The following PNPO variants were observed in gnomAD, a reference collection of about 807,000 sequenced individuals.
PNPO encodes pyridoxine-5'-phosphate oxidase.
Under a neutral mutation model 35.0 loss-of-function variants are expected in PNPO, and 39 were observed. The observed-to-expected ratio is 1.11, with a 90% CI of 0.86 to 1.45. The LOEUF is 1.45. Ranked by LOEUF, PNPO falls within the 40% of genes most tolerant of loss-of-function variation. The pLI is 0.00. For synonymous variants in PNPO, 115 were observed against 119.8 expected (o/e 0.96, Z 0.26); for missense variants, 288 against 340.0 (o/e 0.85, Z 1.20).
chr17:47,949,208 C>A lies in PNPO; in HGVS notation c.*2426C>A, dbSNP rs894818576. 82 of 152,436 alleles carry A rather than the reference C, an allele frequency of 5.4e-4. No individual in the cohort carries two copies. Among genetic ancestry groups the A allele is most frequent in the African/African-American group, 1.9e-3 (81 of 41,542 alleles). The allele number at this position is 152,436 out of a possible 1,614,324, so 9.4% of individuals were successfully genotyped here. ...CCTTGTGTTATTGGAGGTTGTGTAA[C>A]CCCCTAGCTTTGAGCCTGGTCTCAG... On this transcript the variant is annotated 3_prime_UTR_variant, in exon 7 of 7. Transcript: ENST00000642017.
At chr17:47,943,241 AAC>A in intron 1 of PNPO, 63 bp from the exon 2 acceptor site, 1 of 1,346,786 alleles carries the variant, frequency 7.4e-7, no homozygotes, top group South Asian at 1.2e-5. Flanking sequence ...AAGTGACTAG[AAC>A]AGTGCCAGGT....
At position 47,944,599 on chromosome 17, in the gene PNPO, C is replaced by G; in HGVS notation, c.264-17C>G. The G allele has an allele frequency of 6.2e-7, 1 of 1,600,128 alleles. No homozygotes were observed. The highest frequency in any genetic ancestry group is 8.6e-7 in the Non-Finnish European group (1 of 1,167,576). On this transcript the variant is annotated splice_polypyrimidine_tract_variant and intron_variant, in intron 2 of 6. Transcript: ENST00000642017. Reference sequence around the variant, plus strand: ...TGAAGCAGACTCTGACCACAGTGCTCTGCTCTTTGCTCCTAGAGATGGAAA... The same window carrying G: ...TGAAGCAGACTCTGACCACAGTGCTGTGCTCTTTGCTCCTAGAGATGGAAA...
chr17:47,942,819 G>A (rs2035958527), intron 1 of PNPO, among the ~76,000 whole-genome samples: 1 of 152,166 alleles, frequency 6.6e-6, no homozygotes, highest in Non-Finnish European at 1.5e-5. Flanking sequence ...CCAGCTACTT[G>A]GGAGGATGAG....
At chr17:47,943,724 G>A (rs911595420) in intron 2 of PNPO, among the ~76,000 whole-genome samples, 1 of 152,226 alleles carries the variant, frequency 6.6e-6, no homozygotes, top group African/African-American at 2.4e-5. Context: ...AGCCCCGTCT[G>A]CCATTCAGGA....
chr17:47,946,859 C>A lies in PNPO; in HGVS notation c.*77C>A. The A allele has an allele frequency of 7.3e-7, 1 of 1,376,390 alleles. No individual in the cohort carries two copies. Among genetic ancestry groups the A allele is most frequent in the Non-Finnish European group, 1.0e-6 (1 of 973,048 alleles). The allele number at this position is 1,376,390 out of a possible 1,614,324, so 85.3% of individuals were successfully genotyped here. ...GTGTGGGATTGGGACCCAGGCCCTT[C>A]TTTCTAAACTCAACCCATTTCCCTC... is the stretch of plus-strand genomic sequence containing the variant. On this transcript the variant is annotated 3_prime_UTR_variant, in exon 7 of 7. Transcript: ENST00000642017.
rs138727329 is a variant in PNPO, at chr17:47,945,987, G to A, written c.544G>A (p.Glu182Lys). ...SHQSSVIPDR[E>K]YLRKKNEELE... ...CCAGAGTTCTGTGATCCCTGATCGG[G>A]AGGTGAGTGGAGCTCCGCTGTAGTC... Residue 182 changes from glutamate to lysine, a missense_variant and splice_region_variant, in exon 5 of 7, where the codon GAG (glutamate) becomes AAG (lysine). By Grantham distance (56) the Glu-to-Lys change is moderately conservative. Transcript: ENST00000642017. This position sits in a 1 kb window ranked among gnomAD's most constrained non-coding sequence, Gnocchi z 4.0. 44 of 1,613,798 alleles carry A rather than the reference G, an allele frequency of 2.7e-5. No individual in the cohort carries two copies. The East Asian group carries it at 4.0e-4, about 15-fold the overall frequency.
chr17:47,942,925 A>AAAAT (rs747079467), intron 1 of PNPO, among the ~76,000 whole-genome samples: 23 of 152,136 alleles, frequency 1.5e-4, no homozygotes, highest in Non-Finnish European at 2.5e-4. Context: ...GACCCTGTCT[A>AAAAT]AAATAAATAA....
chr17:47,941,847 CG>C (rs1356643091), intron 1 of PNPO, 34 bp downstream of exon 1: 3 of 1,538,240 alleles, frequency 2.0e-6, no homozygotes, highest in Non-Finnish European at 8.8e-7. Flanking sequence ...CCTGCAGGGG[CG>C]GGGGAAAAGG....
chr17:47,946,085 A>G, intron 5 of PNPO, 96 bp downstream of exon 5: 4 of 1,470,760 alleles, frequency 2.7e-6, no homozygotes, highest in South Asian at 2.3e-5. Flanking sequence ...TCCCCAGGAG[A>G]TGTCCTCTCT....
At position 47,945,650 on chromosome 17, in the gene PNPO, G is replaced by T. The variant is rs780596817; in HGVS notation, c.417+38G>T. Reference sequence around the variant, plus strand: ...TCCCAGGACAGCCTGGGATGGGCTGGGTTGGCAGGGCCTGAGTTTATGGCT... The same window carrying T: ...TCCCAGGACAGCCTGGGATGGGCTGTGTTGGCAGGGCCTGAGTTTATGGCT... On this transcript the variant is annotated intron_variant, in intron 4 of 6. Transcript: ENST00000642017. This position sits in a 1 kb window ranked among gnomAD's most constrained non-coding sequence, Gnocchi z 4.0. The T allele has an allele frequency of 1.3e-6, 2 of 1,564,534 alleles. No individual in the cohort carries two copies. The highest frequency in any genetic ancestry group is 3.3e-5 in the Admixed American group (2 of 59,946).
chr17:47,943,534 T>A, intron 2 of PNPO, 104 bp downstream of exon 2: 2 of 1,394,704 alleles, frequency 1.4e-6, no homozygotes, highest in East Asian at 2.3e-5. Context: ...GCTCTGTTAT[T>A]AACATGCTCT....
chr17:47,944,247 A>C (rs1008038231), intron 2 of PNPO, among the ~76,000 whole-genome samples: 2 of 133,350 alleles, frequency 1.5e-5, no homozygotes, highest in African/African-American at 6.0e-5. Flanking sequence ...TGTGGAGGGC[A>C]AGGGAGGTGG....
intron 2 of PNPO, among the ~76,000 whole-genome samples, chr17:47,943,709 A>T (rs1349105121): frequency 2.6e-5 from 4 of 152,000 alleles, no homozygotes. Flanking sequence ...CTCCCCATCT[A>T]CCCAAGCCCC....
chr17:47,946,077 C>CTGGGGACATCT, intron 5 of PNPO, 88 bp downstream of exon 5: 1 of 1,500,236 alleles, frequency 6.7e-7, no homozygotes, highest in Non-Finnish European at 9.2e-7. Flanking sequence ...AGGAGATGTC[C>CTGGGGACATCT]CCAGGAGATG....
At chr17:47,944,775 C>T in intron 3 of PNPO, 60 bp downstream of exon 3, 1 of 1,345,948 alleles carries the variant, frequency 7.4e-7, no homozygotes, top group East Asian at 2.3e-5. Flanking sequence ...CTTGCTTCCT[C>T]AGTCACCTTC....
Position 47,945,173 on chromosome 17 carries a change from G to A in PNPO, c.364-386G>A, listed in dbSNP as rs1013115182. 14 of 379,994 alleles carry A rather than the reference G, an allele frequency of 3.7e-5. No individual in the cohort carries two copies. In the East Asian group the frequency reaches 4.6e-4, roughly 12 times the overall value. The allele number at this position is 379,994 out of a possible 1,614,324, so 23.5% of individuals were successfully genotyped here. On this transcript the variant is annotated intron_variant, in intron 3 of 6. Transcript: ENST00000642017. This position sits in a 1 kb window ranked among gnomAD's most constrained non-coding sequence, Gnocchi z 4.0. ...TTTATCTCTGCTGTATCCCCCGCAC[G>A]TCTCCTGTTGTCAGACCCAGAGTGG...
intron 1 of PNPO, among the ~76,000 whole-genome samples, chr17:47,942,700 C>T (rs577300336): frequency 3.3e-5 from 5 of 152,164 alleles, no homozygotes; most frequent in Non-Finnish European, 7.4e-5. Context: ...GTGGGCATTT[C>T]TAGAAACGCT....
rs2036013824 is a variant in PNPO at position 47,946,650 on chromosome 17, C to A, written c.654C>A (p.Phe218Leu). 6.2e-7 allele frequency: 1 copy of A among 1,614,212 alleles called. No homozygotes were observed. The highest frequency in any genetic ancestry group is 8.5e-7 in the Non-Finnish European group (1 of 1,180,012). Reference sequence around the variant, plus strand: ...TCCTGTACCCTCAGGTGATGGAGTTCTGGCAAGGTCAAACCAACCGCCTGC... The same window carrying A: ...TCCTGTACCCTCAGGTGATGGAGTTATGGCAAGGTCAAACCAACCGCCTGC... Reference protein sequence around the residue: ...GYVLYPQVMEFWQGQTNRLHD... With the variant: ...GYVLYPQVMELWQGQTNRLHD... The change falls in exon 7 of 7, where the codon TTC becomes TTA. Residue 218 changes from phenylalanine (F) to leucine (L), a missense_variant. Coordinates refer to ENST00000642017, the MANE Select transcript of PNPO (RefSeq NM_018129.4).
rs374764528 is a variant in PNPO, at chr17:47,945,793, C to T, written c.418-68C>T. On this transcript the variant is annotated intron_variant, in intron 4 of 6. Coordinates refer to ENST00000642017, the MANE Select transcript of PNPO (RefSeq NM_018129.4). This position sits in a 1 kb window ranked among gnomAD's most constrained non-coding sequence, Gnocchi z 4.0. ...GGGCAGCCGATCGAACAGAGAGGAA[C>T]GGGGCCTGTGCTGGTAGGGAGGGCA... 2.9e-4 allele frequency: 458 copies of T among 1,581,976 alleles called. 2 individuals are homozygous for T. The South Asian group carries it at 4.6e-3, about 16-fold the overall frequency.
Sources: allele counts gnomAD v4.1 joint callset (sites outside exome capture counted in the v4.1 genomes callset), GRCh38; gene constraint gnomAD v4.1.1; non-coding constraint Gnocchi (gnomAD v3.1); transcripts MANE v1.5; gene names NCBI Gene and HGNC (gene_info 2026-07-23, HGNC 2026-07-21).